The following HLCS variants were observed in gnomAD, a reference collection of about 807,000 sequenced individuals.
The protein encoded by HLCS is holocarboxylase synthetase, also known as biotin--protein ligase.
In HLCS, 53 loss-of-function variants were observed where a neutral mutation model predicts 75.0. That is an observed-to-expected ratio of 0.71 (90% CI 0.57 to 0.89). HLCS has a LOEUF of 0.89. HLCS is among the 40% of genes least tolerant of loss of function. The pLI is 0.00. For missense variants in HLCS, 966 were observed against 1,074.0 expected (o/e 0.90, Z 1.41); for synonymous variants, 431 against 428.6 (o/e 1.01, Z -0.07).
rs2067438253 is a variant in HLCS at position 36,947,085 on chromosome 21, C to T, written c.331-8091G>A. 1.3e-5 allele frequency among the ~76,000 whole-genome samples: 2 copies of T among 152,164 alleles called. 1 individual carries two copies. Among genetic ancestry groups the T allele is most frequent in the South Asian group, 4.1e-4 (2 of 4,824 alleles). On this transcript the variant is annotated intron_variant, in intron 2 of 10. Coordinates refer to ENST00000674895, the MANE Select transcript of HLCS (RefSeq NM_001352514.2). ...AAGGCACCATTGTCCTCAGAGCAAT[C>T]AAAGGAGGAGGAGAACCGCTCAGCC...
chr21:36,959,540 T>G (rs574067310), intron 2 of HLCS, among the ~76,000 whole-genome samples: 1 of 152,308 alleles, frequency 6.6e-6, no homozygotes, highest in Non-Finnish European at 1.5e-5. Context: ...GCCCAAAACC[T>G]GGGGACCTGG....
chr21:36,848,495 T>C (rs1428238705), intron 6 of HLCS, among the ~76,000 whole-genome samples: 2 of 152,034 alleles, frequency 1.3e-5, no homozygotes, highest in African/African-American at 4.8e-5. Context: ...TCTTGAACTC[T>C]TGACCTCAAA....
chr21:36,820,380 C>G (rs971347877), intron 6 of HLCS, among the ~76,000 whole-genome samples: 2 of 152,264 alleles, frequency 1.3e-5, no homozygotes, highest in South Asian at 2.1e-4. Flanking sequence ...GCCGGGCCGC[C>G]GACTGGGATT....
intron 6 of HLCS, among the ~76,000 whole-genome samples, chr21:36,772,068 A>G (rs1035446702): frequency 6.6e-6 from 1 of 152,158 alleles, no homozygotes; most frequent in Non-Finnish European, 1.5e-5. Flanking sequence ...GAGTGAACAT[A>G]TTTGAAAAAT....
rs772208790 is a variant in HLCS at position 36,938,979 on chromosome 21, C to T, written c.346G>A (p.Asp116Asn). The stretch of plus-strand genomic sequence containing the variant: ...CTGCAAGCTAATGGCAAACAACAGT[C>T]TGACCACTTGACAATCTGAGAAAAA... The part of the protein sequence containing the change: ...SSSETIVKWS[D>N]CCLPLACRPG... The change falls in exon 3 of 11, where the codon GAC (aspartate) becomes AAC (asparagine). Residue 116 changes from aspartate to asparagine, a missense_variant. Physicochemically the swap from Asp to Asn is conservative, Grantham distance 23 (BLOSUM62 1). Coordinates refer to ENST00000674895, the MANE Select transcript of HLCS (RefSeq NM_001352514.2). 9 of 1,608,592 alleles carry T rather than the reference C, an allele frequency of 5.6e-6. No homozygotes were observed. The highest frequency in any genetic ancestry group is 2.2e-5 in the East Asian group (1 of 44,834).
At chr21:36,829,797 C>T (rs1423655598) in intron 6 of HLCS, among the ~76,000 whole-genome samples, 2 of 152,190 alleles carry the variant, frequency 1.3e-5, no homozygotes, top group Non-Finnish European at 2.9e-5. Flanking sequence ...AAGCCAGCCC[C>T]TCTCCCCGGC....
At chr21:36,820,355 T>C (rs2061794057) in intron 6 of HLCS, among the ~76,000 whole-genome samples, 1 of 152,140 alleles carries the variant, frequency 6.6e-6, no homozygotes, top group African/African-American at 2.4e-5. Flanking sequence ...GCGCAGCTGC[T>C]GCTGCCCAGC....
At chr21:36,781,779 A>G (rs753026636) in intron 6 of HLCS, among the ~76,000 whole-genome samples, 29 of 152,116 alleles carry the variant, frequency 1.9e-4, no homozygotes, top group Non-Finnish European at 3.1e-4. Context: ...CCTCCTTGCC[A>G]TGTTTCTTAG....
intron 5 of HLCS, among the ~76,000 whole-genome samples, chr21:36,929,897 T>C (rs574772672): frequency 3.3e-5 from 5 of 152,354 alleles, no homozygotes; most frequent in African/African-American, 1.2e-4. Flanking sequence ...AATGTGATTG[T>C]TCCAAAGATT....
chr21:36,869,001 G>A (rs11909707), intron 6 of HLCS, among the ~76,000 whole-genome samples: 42,604 of 151,986 alleles, frequency 0.28, 6,934 homozygotes, highest in African/African-American at 0.46. Context: ...TCTGAGATAC[G>A]ACTCCTCGCA....
chr21:36,930,590 C>T (rs2066595970), intron 4 of HLCS, among the ~76,000 whole-genome samples, 157 bp from the exon 5 acceptor site: 1 of 151,918 alleles, frequency 6.6e-6, no homozygotes, highest in Admixed American at 6.6e-5. Context: ...AACGATCCTC[C>T]CACCTCAGCC....
At chr21:36,766,648 T>C (rs2090046192) in intron 7 of HLCS, among the ~76,000 whole-genome samples, 1 of 152,090 alleles carries the variant, frequency 6.6e-6, no homozygotes, top group South Asian at 2.1e-4. Flanking sequence ...GAGCAGCCCC[T>C]GTACAGGGTC....
intron 6 of HLCS, among the ~76,000 whole-genome samples, chr21:36,793,212 C>T (rs1011860342): frequency 2.5e-4 from 38 of 152,074 alleles, no homozygotes; most frequent in African/African-American, 8.5e-4. Flanking sequence ...TCTACGACCC[C>T]CGCTGCTTAC....
At chr21:36,779,687 T>C (rs2060470084) in intron 6 of HLCS, among the ~76,000 whole-genome samples, 1 of 145,810 alleles carries the variant, frequency 6.9e-6, no homozygotes, top group African/African-American at 2.6e-5. Context: ...AAATATTGTA[T>C]TGAACATTTC....
intron 5 of HLCS, among the ~76,000 whole-genome samples, chr21:36,909,420 C>T (rs2065606026): frequency 6.6e-6 from 1 of 152,282 alleles, no homozygotes; most frequent in Non-Finnish European, 1.5e-5. Flanking sequence ...ACTCCATATT[C>T]ACTAACGTCC....
chr21:36,985,778 A>C (rs540462140), intron 1 of HLCS, among the ~76,000 whole-genome samples: 176 of 152,124 alleles, frequency 1.2e-3, no homozygotes, highest in African/African-American at 4.1e-3. Context: ...GGAAAAAAAA[A>C]AAAAAAGTTA....
At chr21:36,806,320 C>T (rs1601331767) in intron 6 of HLCS, 1 of 152,210 alleles carries the variant, frequency 6.6e-6, no homozygotes, top group East Asian at 1.9e-4. Context: ...AGCCACCTCA[C>T]TGCCCTGGCC....
intron 6 of HLCS, among the ~76,000 whole-genome samples, chr21:36,875,126 G>A (rs1485568373): frequency 6.6e-6 from 1 of 151,508 alleles, no homozygotes; most frequent in Non-Finnish European, 1.5e-5. Flanking sequence ...GTACAGGCCT[G>A]TGGGTGCCCC....
intron 4 of HLCS, among the ~76,000 whole-genome samples, chr21:36,935,499 A>G (rs2066839291): frequency 6.6e-6 from 1 of 152,186 alleles, no homozygotes; most frequent in African/African-American, 2.4e-5. Context: ...AAAACAAAAC[A>G]AAAAAGGAAA....
Sources: allele counts gnomAD v4.1 joint callset (sites outside exome capture counted in the v4.1 genomes callset), GRCh38; gene constraint gnomAD v4.1.1; transcripts MANE v1.5; gene names NCBI Gene and HGNC (gene_info 2026-07-23, HGNC 2026-07-21).